The following FKBP9 variants were observed in gnomAD, a reference collection of about 807,000 sequenced individuals.
FKBP9 encodes FKBP prolyl isomerase 9, also known as peptidyl-prolyl cis-trans isomerase FKBP9.
A neutral mutation model predicts 55.6 loss-of-function variants in FKBP9; 27 were observed. The observed-to-expected ratio is 0.49, with a 90% CI of 0.36 to 0.67. The LOEUF is 0.67. FKBP9 is among the 30% of genes least tolerant of loss of function. FKBP9 has a pLI of 0.00. For missense variants in FKBP9, 539 were observed against 742.8 expected, an observed-to-expected ratio of 0.73 and a Z score of 3.19; for synonymous variants, 267 against 296.5, an observed-to-expected ratio of 0.90 and a Z score of 1.02.
At chr7:32,996,606 TTTCCTTCC>T (rs201756956) in intron 7 of FKBP9, among the ~76,000 whole-genome samples, 12,076 of 110,272 alleles carry the variant, frequency 0.11, 754 homozygotes, top group East Asian at 0.26. Context: ...AACTGCTATC[TTTCCTTCC>T]TTCCTTCCTT....
At chr7:32,974,466 G>A (rs1054947158) in intron 1 of FKBP9, 151 bp from the exon 2 acceptor site, 2 of 607,818 alleles carry the variant, frequency 3.3e-6, no homozygotes, top group Non-Finnish European at 5.9e-6. Flanking sequence ...ACTGTCCAGT[G>A]GAGATGTTCC....
At chr7:32,976,609 C>T in intron 4 of FKBP9, 110 bp downstream of exon 4, 1 of 1,448,284 alleles carries the variant, frequency 6.9e-7, no homozygotes, top group Non-Finnish European at 9.3e-7. Context: ...TCTAGACCTA[C>T]ACTGGCCAAT....
At chr7:32,990,840 TC>T (rs1275298025) in intron 6 of FKBP9, among the ~76,000 whole-genome samples, 1 of 152,228 alleles carries the variant, frequency 6.6e-6, no homozygotes, top group African/African-American at 2.4e-5. Flanking sequence ...ATCATATGTA[TC>T]TTGAGAGTTT....
intron 1 of FKBP9, among the ~76,000 whole-genome samples, chr7:32,972,078 T>G (rs1784264213): frequency 6.6e-6 from 1 of 152,178 alleles, no homozygotes; most frequent in Non-Finnish European, 1.5e-5. Context: ...TTGGGAGTCT[T>G]TGAAGTCTTG....
intron 9 of FKBP9, among the ~76,000 whole-genome samples, chr7:33,003,990 T>C (rs1784981700): frequency 6.6e-6 from 1 of 151,972 alleles, no homozygotes; most frequent in South Asian, 2.1e-4. Context: ...ACACCCCGCT[T>C]GGGGCCTGCT....
chr7:32,964,949 C>T (rs1784103757), intron 1 of FKBP9, among the ~76,000 whole-genome samples: 1 of 152,148 alleles, frequency 6.6e-6, no homozygotes, highest in Admixed American at 6.6e-5. Flanking sequence ...CAGTCCCATT[C>T]GTGAAGGGTG....
chr7:33,002,758 G>A lies in FKBP9; in HGVS notation c.1455G>A (p.Met485Ile), dbSNP rs778580866. 97 of 1,614,120 alleles carry A rather than the reference G, an allele frequency of 6.0e-5. No individual in the cohort carries two copies. Among genetic ancestry groups the A allele is most frequent in the Non-Finnish European group, 8.0e-5 (94 of 1,180,050 alleles). ...TGGCTGGCCTTCCTGAGGGGTACAT[G>A]TTCATATGGAATGGTGAGGTGTCAC... The part of the protein sequence containing the change: ...ELVAGLPEGY[M>I]FIWNGEVSPN... The change falls in exon 9 of 10, where the codon ATG becomes ATA. Residue 485 changes from methionine to isoleucine, a missense_variant. By Grantham distance (10) the Met-to-Ile change is conservative (BLOSUM62 1). Around this residue, in one of 4 missense-constraint regions of FKBP9, gnomAD observed 102 missense variants for 200.7 expected, o/e 0.51. Transcript: ENST00000242209.
intron 4 of FKBP9, among the ~76,000 whole-genome samples, chr7:32,977,681 C>T (rs1784384239): frequency 6.6e-6 from 1 of 151,690 alleles, no homozygotes; most frequent in African/African-American, 2.4e-5. Flanking sequence ...AGCCAGCTTA[C>T]AATAGCCAAT....
intron 6 of FKBP9, among the ~76,000 whole-genome samples, chr7:32,990,504 C>A (rs1324690032): frequency 6.6e-6 from 1 of 152,180 alleles, no homozygotes; most frequent in South Asian, 2.1e-4. Context: ...CAGTAGGAAA[C>A]AAATGCAGCC....
At chr7:32,987,447 A>C (rs1000008034) in intron 5 of FKBP9, among the ~76,000 whole-genome samples, 15 of 150,508 alleles carry the variant, frequency 1.0e-4, no homozygotes, top group African/African-American at 3.7e-4. Context: ...GTGAGCTGAG[A>C]CCAGACCACT....
chr7:32,977,903 A>T (rs1335176176), intron 4 of FKBP9, among the ~76,000 whole-genome samples: 1 of 128,740 alleles, frequency 7.8e-6, no homozygotes, highest in Non-Finnish European at 1.7e-5. Flanking sequence ...ACTCATATAT[A>T]TATACTCATA....
chr7:32,976,668 T>G (rs1403400384), intron 4 of FKBP9, among the ~76,000 whole-genome samples, 169 bp downstream of exon 4: 3 of 152,192 alleles, frequency 2.0e-5, no homozygotes, highest in South Asian at 4.1e-4. Flanking sequence ...AAATTTAAAA[T>G]TCAGTTCCTT....
intron 9 of FKBP9, 108 bp from the exon 10 acceptor site, chr7:33,005,067 C>G (rs905039698): frequency 6.7e-7 from 1 of 1,485,458 alleles, no homozygotes; most frequent in African/African-American, 1.4e-5. Context: ...GTTGGTAGCC[C>G]AGACTCAAGT....
In FKBP9 at chr7:33,005,402, G is replaced by A. The variant is rs1276062948; in HGVS notation, c.*51G>A. On this transcript the variant is annotated 3_prime_UTR_variant, in exon 10 of 10. Coordinates refer to ENST00000242209, the MANE Select transcript of FKBP9 (RefSeq NM_007270.5). ...GGGAGTACGTGACACCAAGCCACCT[G>A]TGTGGCAAGACGTGCAGTGAGGGTG... is the stretch of plus-strand genomic sequence containing the variant. 6.2e-7 allele frequency: 1 copy of A among 1,602,182 alleles called. No individual in the cohort carries two copies. The highest frequency in any genetic ancestry group is 1.3e-5 in the African/African-American group (1 of 74,742).
intron 5 of FKBP9, among the ~76,000 whole-genome samples, chr7:32,984,152 C>T (rs200087477): frequency 1.3e-5 from 2 of 151,470 alleles, no homozygotes; most frequent in Non-Finnish European, 1.5e-5. Context: ...AAATGTTTGC[C>T]TGTATTTCCC....
At position 32,975,267 on chromosome 7, in the gene FKBP9, C is replaced by T. The variant is rs762425401; in HGVS notation, c.453C>T (p.His151=). ...IWNSEDQVQI[H]TYFKPPSCPR... is the part of the protein sequence containing the mutation. Reference sequence around the variant, plus strand: ...ATTCTGAAGACCAGGTTCAGATTCACACCTATTTCAAGCCCCCGAGTTGCC... The same window carrying T: ...ATTCTGAAGACCAGGTTCAGATTCATACCTATTTCAAGCCCCCGAGTTGCC... Residue 151 remains histidine (H), a synonymous_variant, in exon 3 of 10, where the codon CAC becomes CAT. Coordinates refer to ENST00000242209, the MANE Select transcript of FKBP9 (RefSeq NM_007270.5). The T allele has an allele frequency of 5.6e-6, 9 of 1,613,622 alleles. No homozygotes were observed. In the Admixed American group the frequency reaches 1.5e-4, roughly 27 times the overall value.
At chr7:32,982,270 C>T (rs1343822402) in intron 5 of FKBP9, among the ~76,000 whole-genome samples, 3 of 152,120 alleles carry the variant, frequency 2.0e-5, no homozygotes, top group Non-Finnish European at 4.4e-5. Flanking sequence ...ATCCACCCAA[C>T]GCAGCCTCCC....
chr7:32,976,618 A>G (rs1784368567), intron 4 of FKBP9, 119 bp downstream of exon 4: 11 of 1,391,570 alleles, frequency 7.9e-6, no homozygotes, highest in Non-Finnish European at 1.1e-5. Context: ...ACACTGGCCA[A>G]TATGGTAACC....
chr7:32,981,397 T>C (rs1288857286), intron 5 of FKBP9, among the ~76,000 whole-genome samples: 1 of 152,234 alleles, frequency 6.6e-6, no homozygotes, highest in Non-Finnish European at 1.5e-5. Context: ...CTTTTGTTGT[T>C]CAAAGTTTTG....
Sources: allele counts gnomAD v4.1 joint callset (sites outside exome capture counted in the v4.1 genomes callset), GRCh38; gene constraint gnomAD v4.1.1; regional missense constraint gnomAD v4.1.1; transcripts MANE v1.5; gene names NCBI Gene and HGNC (gene_info 2026-07-23, HGNC 2026-07-21).